Variants in BCAT1 observed in about 807,000 individuals in gnomAD.
The protein encoded by BCAT1 is branched-chain-amino-acid aminotransferase, cytosolic.
A neutral mutation model predicts 52.4 loss-of-function variants in BCAT1; 48 were observed. The observed-to-expected ratio is 0.92, with a 90% CI of 0.73 to 1.16. BCAT1 has a LOEUF of 1.16. BCAT1 is among the 50% of genes most tolerant of loss of function. The pLI is 0.00. For missense variants in BCAT1, 451 were observed against 457.1 expected (o/e 0.99, Z 0.12); for synonymous variants, 167 against 161.3 (o/e 1.04, Z -0.27).
chr12:24,926,324 G>A (rs1015243273), intron 1 of BCAT1, among the ~76,000 whole-genome samples: 24 of 151,622 alleles, frequency 1.6e-4, no homozygotes, highest in South Asian at 4.2e-4. Context: ...CAGCCACCCC[G>A]TCTGGGAAGT....
In BCAT1 at chr12:24,894,344, T is replaced by A; in HGVS notation, c.210A>T (p.Lys70Asn). 1 of 1,613,730 alleles carries A rather than the reference T, an allele frequency of 6.2e-7. No individual in the cohort carries two copies. Among genetic ancestry groups the A allele is most frequent in the Non-Finnish European group, 8.5e-7 (1 of 1,179,852 alleles). ...GGTTCTGAAGAGGCTTGATATGAGGTTTCTCCCATCCAAACTCTGAGGACC... is the reference window on the plus strand; with the variant it reads ...GGTTCTGAAGAGGCTTGATATGAGGATTCTCCCATCCAAACTCTGAGGACC... ...VEWSSEFGWE[K>N]PHIKPLQNLS... The change falls in exon 3 of 11, where the codon AAA (lysine) becomes AAT (asparagine). Residue 70 changes from lysine (K) to asparagine (N), a missense_variant. Physicochemically the swap from Lys to Asn is moderately conservative, Grantham distance 94. Transcript: ENST00000261192.
intron 3 of BCAT1, among the ~76,000 whole-genome samples, chr12:24,887,061 T>TAAAAAAAAAAAAAAAAA (rs1171691492): frequency 1.3e-4 from 1 of 7,588 alleles, no homozygotes; most frequent in Non-Finnish European, 2.1e-4. Flanking sequence ...AGATGCTAGC[T>TAAAAAAAAAAAAAAAAA]AAAAAAAAAA....
chr12:24,868,208 G>A (rs1160143211), intron 5 of BCAT1, among the ~76,000 whole-genome samples: 1 of 152,150 alleles, frequency 6.6e-6, no homozygotes, highest in East Asian at 1.9e-4. Flanking sequence ...GGGAAGTACT[G>A]CGTTGCAGTT....
Position 24,813,914 on chromosome 12 carries a change from T to C in BCAT1, c.*4094A>G, listed in dbSNP as rs1939781040. On this transcript the variant is annotated 3_prime_UTR_variant, in exon 11 of 11. Transcript: ENST00000261192. ...CATGAGGGTAATGTCTATATGCCAT[T>C]GATTTCTTAAAACTAACTTCCTAAT... 1 of 152,124 alleles carries C rather than the reference T, an allele frequency of 6.6e-6. No individual in the cohort carries two copies. The highest frequency in any genetic ancestry group is 2.4e-5 in the African/African-American group (1 of 41,452). The allele number at this position is 152,124 out of a possible 1,614,324, so 9.4% of individuals were successfully genotyped here.
intron 7 of BCAT1, among the ~76,000 whole-genome samples, chr12:24,839,381 C>T (rs1172202868): frequency 6.6e-6 from 1 of 152,174 alleles, no homozygotes; most frequent in African/African-American, 2.4e-5. Context: ...TGAGCAATAC[C>T]GAGATTCACT....
chr12:24,834,969 A>G (rs1451783492), intron 8 of BCAT1, among the ~76,000 whole-genome samples: 4 of 152,204 alleles, frequency 2.6e-5, no homozygotes, highest in Admixed American at 6.5e-5. Context: ...AATAGCTTTT[A>G]AAATAAATTA....
chr12:24,924,511 G>C (rs1943551344), intron 1 of BCAT1, among the ~76,000 whole-genome samples: 1 of 152,122 alleles, frequency 6.6e-6, no homozygotes, highest in Admixed American at 6.5e-5. Context: ...ATGTGTCTTT[G>C]ATGCAGGGCA....
At chr12:24,926,360 C>T (rs1397984421) in intron 1 of BCAT1, among the ~76,000 whole-genome samples, 2 of 151,764 alleles carry the variant, frequency 1.3e-5, no homozygotes, top group East Asian at 2.0e-4. Flanking sequence ...CCTGGCCAGC[C>T]GCCCCGTCCG....
At position 24,901,845 on chromosome 12, in the gene BCAT1, CCTT is replaced by C. The variant is rs761067523; in HGVS notation, c.44_46del (p.Glu15del). 1 of 1,614,026 alleles carries C rather than the reference CCTT, an allele frequency of 6.2e-7. No homozygotes were observed. Among genetic ancestry groups the C allele is most frequent in the Non-Finnish European group, 8.5e-7 (1 of 1,179,896 alleles). ...AGTCCCCACCACCTCTTTTGATCCT[CCTT>C]CTCCGGTACACTCTGCGGAGCATCC... is the stretch of plus-strand genomic sequence containing the variant. On this transcript the variant is annotated inframe_deletion, in exon 2 of 11. Transcript: ENST00000261192.
At position 24,836,584 on chromosome 12, in the gene BCAT1, G is replaced by A. The variant is rs755726043; in HGVS notation, c.830C>T (p.Ala277Val). ...WINEDGEEEL[A>V]TPPLDGIILP... ...AATGATGCCATCTAGTGGAGGAGTT[G>A]CCAGTTCTTCTTCTGTCAATCAGAA... The change falls in exon 8 of 11, where the codon GCA (alanine) becomes GTA (valine). Residue 277 changes from alanine to valine, a missense_variant. By Grantham distance (64) the Ala-to-Val change is moderately conservative (BLOSUM62 0). Transcript: ENST00000261192. The A allele has an allele frequency of 6.2e-7, 1 of 1,611,798 alleles. No homozygotes were observed. Among genetic ancestry groups the A allele is most frequent in the South Asian group, 1.1e-5 (1 of 90,412 alleles).
At chr12:24,943,788 T>C (rs990235307) in intron 1 of BCAT1, among the ~76,000 whole-genome samples, 4 of 151,760 alleles carry the variant, frequency 2.6e-5, no homozygotes, top group African/African-American at 7.3e-5. Context: ...ATCAAGACCT[T>C]CCTGGCTAAC....
At chr12:24,846,136 T>A (rs1941338065) in intron 6 of BCAT1, among the ~76,000 whole-genome samples, 2 of 152,212 alleles carry the variant, frequency 1.3e-5, no homozygotes, top group Admixed American at 1.3e-4. Context: ...ATTAAAACCA[T>A]GGCTCCTCAG....
At chr12:24,920,342 G>A (rs546959745) in intron 1 of BCAT1, among the ~76,000 whole-genome samples, 55 of 152,288 alleles carry the variant, frequency 3.6e-4, no homozygotes, top group African/African-American at 1.3e-3. Context: ...GCACTCTGTG[G>A]CATGGCTTAA....
chr12:24,845,424 A>T (rs927294691), intron 6 of BCAT1, among the ~76,000 whole-genome samples: 2 of 152,228 alleles, frequency 1.3e-5, no homozygotes, highest in Admixed American at 1.3e-4. Flanking sequence ...TAAAAAGTCA[A>T]ATAATCCTTA....
intron 1 of BCAT1, among the ~76,000 whole-genome samples, chr12:24,909,369 T>A (rs1254821495): frequency 6.6e-6 from 1 of 152,180 alleles, no homozygotes; most frequent in East Asian, 1.9e-4. Context: ...GACAAAAGAA[T>A]TCTCATTTGG....
At chr12:24,859,464 C>CA (rs1941788373) in intron 5 of BCAT1, among the ~76,000 whole-genome samples, 1 of 151,628 alleles carries the variant, frequency 6.6e-6, no homozygotes, top group Non-Finnish European at 1.5e-5. Context: ...ACTAAAAACA[C>CA]AAAAAAATTA....
At chr12:24,837,064 GGAAA>G (rs754310845) in intron 7 of BCAT1, among the ~76,000 whole-genome samples, 1 of 84,608 alleles carries the variant, frequency 1.2e-5, no homozygotes, top group South Asian at 4.5e-4. Context: ...AAAGAGAGAA[GGAAA>G]GAAAGAGAGA....
chr12:24,906,257 C>T lies in BCAT1; in HGVS notation c.7-4372G>A, dbSNP rs553156914. ...GATGAGAGAAGTGCCAAGGAGGCCTCCTTGGATCTGACTTGCTTATCTATT... is the reference window on the plus strand; with the variant it reads ...GATGAGAGAAGTGCCAAGGAGGCCTTCTTGGATCTGACTTGCTTATCTATT... On this transcript the variant is annotated intron_variant, in intron 1 of 10. Coordinates refer to ENST00000261192, the MANE Select transcript of BCAT1 (RefSeq NM_005504.7). 1.1e-4 allele frequency among the ~76,000 whole-genome samples: 16 copies of T among 151,852 alleles called. No individual in the cohort carries two copies. The East Asian group carries it at 1.5e-3, about 15-fold the overall frequency.
At chr12:24,917,999 A>T (rs1490824984) in intron 1 of BCAT1, among the ~76,000 whole-genome samples, 1 of 152,262 alleles carries the variant, frequency 6.6e-6, no homozygotes, top group Non-Finnish European at 1.5e-5. Context: ...GTTCATGACG[A>T]TAAGGTACAA....
Sources: gnomAD v4.1 joint callset for allele counts (sites outside exome capture counted in the v4.1 genomes callset) on GRCh38, gnomAD v4.1.1 for gene constraint, MANE v1.5 for transcripts, NCBI Gene and HGNC (gene_info 2026-07-23, HGNC 2026-07-21) for gene names.